The following DYNC1I1 variants were observed in gnomAD, a reference collection of about 807,000 sequenced individuals.
DYNC1I1 encodes the protein cytoplasmic dynein 1 intermediate chain 1.
In DYNC1I1, 43 loss-of-function variants were observed where a neutral mutation model predicts 86.6. The observed-to-expected ratio is 0.50, with a 90% CI of 0.39 to 0.64. The LOEUF (loss-of-function observed/expected upper bound fraction) is 0.64, where lower values mean the gene tolerates loss of function less well. Ranked by LOEUF, DYNC1I1 falls within the 30% of genes least tolerant of loss-of-function variation. The probability of loss-of-function intolerance (pLI) is 0.00; values close to 1 mark genes in which losing one functional copy is unlikely to be tolerated. For synonymous variants in DYNC1I1, 262 were observed against 283.7 expected (o/e 0.92, Z 0.77); for missense variants, 604 against 788.8 (o/e 0.77, Z 2.81).
intron 14 of DYNC1I1, among the ~76,000 whole-genome samples, chr7:96,074,810 T>C (rs1790283785): frequency 6.6e-6 from 1 of 152,248 alleles, no homozygotes; most frequent in Non-Finnish European, 1.5e-5. Context: ...ATACATTCTT[T>C]AAACATTCTG....
intron 6 of DYNC1I1, among the ~76,000 whole-genome samples, chr7:95,892,936 T>TA (rs957100312): frequency 3.3e-5 from 5 of 152,176 alleles, no homozygotes; most frequent in African/African-American, 7.2e-5. Flanking sequence ...CATGGCCTCT[T>TA]AAAAAAATTG....
intron 5 of DYNC1I1, among the ~76,000 whole-genome samples, chr7:95,852,619 G>A (rs1789608768): frequency 6.6e-6 from 1 of 152,018 alleles, no homozygotes; most frequent in Non-Finnish European, 1.5e-5. Context: ...CGATTCTCCT[G>A]CCTCAGCCTC....
chr7:95,953,102 A>G (rs1171406180), intron 6 of DYNC1I1, among the ~76,000 whole-genome samples: 1 of 148,646 alleles, frequency 6.7e-6, no homozygotes, highest in Admixed American at 6.9e-5. Context: ...TGTATCTCGT[A>G]TGTACCTGGC....
At chr7:95,774,209 T>C (rs1186545581) in intron 1 of DYNC1I1, among the ~76,000 whole-genome samples, 1 of 152,174 alleles carries the variant, frequency 6.6e-6, no homozygotes, top group East Asian at 1.9e-4. Flanking sequence ...AGAATACAGT[T>C]GGGGGTCGAA....
At chr7:96,036,533 A>G (rs1562980492) in intron 13 of DYNC1I1, among the ~76,000 whole-genome samples, 1 of 152,174 alleles carries the variant, frequency 6.6e-6, no homozygotes, top group Non-Finnish European at 1.5e-5. Flanking sequence ...CATTAATCGT[A>G]TTTTAGTTTA....
intron 1 of DYNC1I1, among the ~76,000 whole-genome samples, chr7:95,800,295 A>G (rs985802616): frequency 3.3e-5 from 5 of 152,114 alleles, no homozygotes; most frequent in East Asian, 1.9e-4. Flanking sequence ...ACTTTGAGAC[A>G]TCTGTTTTGG....
At chr7:95,924,493 T>C (rs373431563) in intron 6 of DYNC1I1, among the ~76,000 whole-genome samples, 8 of 152,336 alleles carry the variant, frequency 5.3e-5, no homozygotes, top group African/African-American at 1.9e-4. Context: ...TTCTTTTTGC[T>C]TTTTGAATGT....
chr7:95,994,808 G>A (rs1444445021), intron 9 of DYNC1I1, among the ~76,000 whole-genome samples: 1 of 152,206 alleles, frequency 6.6e-6, no homozygotes, highest in East Asian at 1.9e-4. Flanking sequence ...GTCAGTATAG[G>A]AAGCCATTTA....
At chr7:95,920,251 C>T (rs1791576006) in intron 6 of DYNC1I1, among the ~76,000 whole-genome samples, 1 of 152,158 alleles carries the variant, frequency 6.6e-6, no homozygotes, top group South Asian at 2.1e-4. Context: ...TCTTCCTCCC[C>T]CACACCCACA....
At chr7:95,948,624 T>C (rs950743471) in intron 6 of DYNC1I1, among the ~76,000 whole-genome samples, 3 of 152,142 alleles carry the variant, frequency 2.0e-5, no homozygotes, top group African/African-American at 7.2e-5. Context: ...TAGGTAGAAA[T>C]AATATCAAAG....
chr7:95,820,854 C>A (rs1040822397), intron 4 of DYNC1I1, among the ~76,000 whole-genome samples: 11 of 152,218 alleles, frequency 7.2e-5, no homozygotes, highest in Middle Eastern at 3.2e-3. Flanking sequence ...CTGGGATTAC[C>A]GGCATGGGCC....
chr7:95,970,553 A>T (rs904024698), intron 6 of DYNC1I1, among the ~76,000 whole-genome samples: 2 of 152,082 alleles, frequency 1.3e-5, no homozygotes, highest in African/African-American at 4.8e-5. Context: ...TTTCTTTTGA[A>T]ATTGTTAATA....
intron 10 of DYNC1I1, among the ~76,000 whole-genome samples, chr7:96,010,589 G>A (rs1238994541): frequency 6.6e-6 from 1 of 152,190 alleles, no homozygotes; most frequent in Non-Finnish European, 1.5e-5. Flanking sequence ...GGGAGGGTCT[G>A]ACCAATAGAA....
At chr7:96,087,154 A>G (rs529527172) in intron 16 of DYNC1I1, among the ~76,000 whole-genome samples, 1 of 152,344 alleles carries the variant, frequency 6.6e-6, no homozygotes, top group African/African-American at 2.4e-5. Context: ...CCAGTAATAC[A>G]GGGCCTACAT....
At chr7:95,850,966 C>T (rs1789561750) in intron 5 of DYNC1I1, among the ~76,000 whole-genome samples, 1 of 151,906 alleles carries the variant, frequency 6.6e-6, no homozygotes, top group Non-Finnish European at 1.5e-5. Flanking sequence ...TTCCTTGAGA[C>T]AGGGTCTCAC....
intron 14 of DYNC1I1, among the ~76,000 whole-genome samples, chr7:96,060,831 A>G (rs1789743509): frequency 6.6e-6 from 1 of 152,174 alleles, no homozygotes; most frequent in Non-Finnish European, 1.5e-5. Context: ...CCCTTGCTCT[A>G]CATGCAAAAC....
At chr7:95,903,400 C>T (rs577454253) in intron 6 of DYNC1I1, among the ~76,000 whole-genome samples, 1 of 152,202 alleles carries the variant, frequency 6.6e-6, no homozygotes, top group Non-Finnish European at 1.5e-5. Flanking sequence ...TTTCTACCTC[C>T]AACAGGGAGC....
intron 6 of DYNC1I1, among the ~76,000 whole-genome samples, chr7:95,949,763 A>G (rs1792501954): frequency 6.6e-6 from 1 of 152,204 alleles, no homozygotes; most frequent in Non-Finnish European, 1.5e-5. Flanking sequence ...TAAGAGATGG[A>G]AATGTATGTT....
intron 14 of DYNC1I1, among the ~76,000 whole-genome samples, chr7:96,061,138 TGTGGAGGAGATGGTGAA>T (rs1789753039): frequency 1.3e-5 from 2 of 152,132 alleles, no homozygotes; most frequent in Non-Finnish European, 2.9e-5. Flanking sequence ...GCGTTCAGTG[TGTGGAGGAGATGGTGAA>T]TGCAGCCGAC....
Sources: gnomAD v4.1 joint callset for allele counts (sites outside exome capture counted in the v4.1 genomes callset) on GRCh38, gnomAD v4.1.1 for gene constraint, MANE v1.5 for transcripts, NCBI Gene and HGNC (gene_info 2026-07-23, HGNC 2026-07-21) for gene names.